Variants in PHTF1 observed in about 807,000 individuals in gnomAD.
PHTF1 encodes the protein putative homeodomain transcription factor 1.
PHTF1 carries 88 observed loss-of-function variants against 102.4 expected under a neutral mutation model. That is an observed-to-expected ratio of 0.86 (90% CI 0.72 to 1.03). The LOEUF is 1.03. PHTF1 is among the 50% of genes least tolerant of loss of function. The probability of loss-of-function intolerance (pLI) is 0.00; values close to 1 mark genes in which losing one functional copy is unlikely to be tolerated. For missense variants in PHTF1, 814 were observed against 909.5 expected (o/e 0.89, Z 1.35); for synonymous variants, 289 against 305.2 (o/e 0.95, Z 0.55).
chr1:113,706,702 C>G lies in PHTF1; in HGVS notation c.1290G>C (p.Gln430His). The change falls in exon 12 of 19, where the codon CAG becomes CAC. Residue 430 changes from glutamine to histidine, a missense_variant. Coordinates refer to ENST00000369604, the MANE Select transcript of PHTF1 (RefSeq NM_001323043.2). ...VFQQNHLFWL[Q>H]NSSPSSDRVS... ...CTCGATCAGAGGAAGGACTTGAATT[C>G]TGAAGCCAGAATAAATGATTCTGAG... The G allele has an allele frequency of 6.2e-7, 1 of 1,607,038 alleles. No individual in the cohort carries two copies. Among genetic ancestry groups the G allele is most frequent in the Non-Finnish European group, 8.5e-7 (1 of 1,176,338 alleles).
intron 5 of PHTF1, among the ~76,000 whole-genome samples, chr1:113,737,294 G>GCA (rs1017087803): frequency 2.0e-5 from 3 of 152,050 alleles, no homozygotes; most frequent in African/African-American, 4.8e-5. Context: ...TGTGTGCAGC[G>GCA]CACACACACA....
At chr1:113,720,605 C>T (rs1249553802) in intron 7 of PHTF1, among the ~76,000 whole-genome samples, 1 of 152,188 alleles carries the variant, frequency 6.6e-6, no homozygotes, top group Non-Finnish European at 1.5e-5. Flanking sequence ...CGGGAGGGTA[C>T]AGCCTCCCTC....
intron 3 of PHTF1, among the ~76,000 whole-genome samples, chr1:113,741,862 T>A (rs766389093): frequency 2.0e-5 from 3 of 152,202 alleles, no homozygotes; most frequent in Non-Finnish European, 4.4e-5. Context: ...CCCATTTTTT[T>A]ATTTCCTAAA....
chr1:113,711,639 T>C, intron 10 of PHTF1, 107 bp downstream of exon 10: 2 of 765,694 alleles, frequency 2.6e-6, no homozygotes, highest in Non-Finnish European at 4.4e-6. Context: ...AGGGAAGGGC[T>C]GGCAAATATT....
At chr1:113,715,959 A>T (rs1353373593) in intron 7 of PHTF1, among the ~76,000 whole-genome samples, 1 of 152,028 alleles carries the variant, frequency 6.6e-6, no homozygotes, top group Non-Finnish European at 1.5e-5. Flanking sequence ...AACACACCTA[A>T]AAGATCTGGA....
At chr1:113,724,028 A>T (rs1401134414) in intron 7 of PHTF1, among the ~76,000 whole-genome samples, 1 of 152,242 alleles carries the variant, frequency 6.6e-6, no homozygotes, top group Non-Finnish European at 1.5e-5. Context: ...AGGTACTCAT[A>T]TCATTGATCA....
At chr1:113,701,939 A>C (rs1649501903) in intron 15 of PHTF1, among the ~76,000 whole-genome samples, 1 of 151,890 alleles carries the variant, frequency 6.6e-6, no homozygotes, top group Non-Finnish European at 1.5e-5. Context: ...GACTGGCACT[A>C]AAATAAATAC....
intron 5 of PHTF1, among the ~76,000 whole-genome samples, chr1:113,734,949 T>G (rs1655244394): frequency 6.6e-6 from 1 of 152,194 alleles, no homozygotes; most frequent in Non-Finnish European, 1.5e-5. Context: ...CCTCCAAAAC[T>G]GTCAAAAATA....
Position 113,710,285 on chromosome 1 carries a change from T to G in PHTF1, c.1238A>C (p.Lys413Thr). 5.0e-6 allele frequency: 8 copies of G among 1,613,780 alleles called. No homozygotes were observed. Among genetic ancestry groups the G allele is most frequent in the Non-Finnish European group, 6.8e-6 (8 of 1,179,962 alleles). ...AAAAACATCCTCTTTGGGGTCACGTTTGGTCCCTGAGTGAAGGGTATTCAC... is the reference window on the plus strand; with the variant it reads ...AAAAACATCCTCTTTGGGGTCACGTGTGGTCCCTGAGTGAAGGGTATTCAC... Reference protein sequence around the residue: ...AHVNTLHSGTKRDPKEDVFQQ... With the variant: ...AHVNTLHSGTTRDPKEDVFQQ... Residue 413 changes from lysine (K) to threonine (T), a missense_variant, in exon 11 of 19, where the codon AAA (lysine) becomes ACA (threonine). Transcript: ENST00000369604.
At chr1:113,747,866 C>T (rs1269755072) in intron 3 of PHTF1, among the ~76,000 whole-genome samples, 1 of 152,208 alleles carries the variant, frequency 6.6e-6, no homozygotes, top group Non-Finnish European at 1.5e-5. Flanking sequence ...TTTTTGTCTA[C>T]ATGATCCGTT....
chr1:113,746,990 C>A (rs553878010), intron 3 of PHTF1: 2 of 159,104 alleles, frequency 1.3e-5, no homozygotes, highest in South Asian at 4.1e-4. Context: ...TCTTATTTAG[C>A]CTTTCTATGC....
intron 5 of PHTF1, among the ~76,000 whole-genome samples, chr1:113,736,494 C>T (rs1273449649): frequency 6.6e-6 from 1 of 151,998 alleles, no homozygotes; most frequent in Non-Finnish European, 1.5e-5. Flanking sequence ...CCTGTAATCC[C>T]AGCACTTTGG....
chr1:113,699,385 C>A, intron 17 of PHTF1: 1 of 471,476 alleles, frequency 2.1e-6, no homozygotes. Flanking sequence ...TCAATGGTGA[C>A]AAATGCCTTG....
At chr1:113,750,527 C>T (rs2101689487) in intron 3 of PHTF1, among the ~76,000 whole-genome samples, 1 of 152,084 alleles carries the variant, frequency 6.6e-6, no homozygotes, top group Middle Eastern at 3.4e-3. Context: ...GAATGTTTTG[C>T]TCATCTTAGC....
chr1:113,726,463 G>A lies in PHTF1; in HGVS notation c.443C>T (p.Thr148Ile). 6 of 1,611,328 alleles carry A rather than the reference G, an allele frequency of 3.7e-6. No individual in the cohort carries two copies. Among genetic ancestry groups the A allele is most frequent in the Non-Finnish European group, 5.1e-6 (6 of 1,178,610 alleles). The change falls in exon 6 of 19, where the codon ACT becomes ATT. Residue 148 changes from threonine to isoleucine, a missense_variant. Physicochemically the swap from Thr to Ile is moderately conservative, Grantham distance 89 (BLOSUM62 -1). Transcript: ENST00000369604. ...GTTTCCTGATGGTCTTGTTATCTGA[G>A]TAGACACAATTTGACAGTGGACAGT... ...MGTVHCQIVS[T>I]QITRPSGNNG... is the part of the protein sequence containing the mutation.
At chr1:113,729,742 G>A (rs72691804) in intron 5 of PHTF1, among the ~76,000 whole-genome samples, 3,981 of 152,222 alleles carry the variant, frequency 0.026, 91 homozygotes, top group Admixed American at 0.09. Flanking sequence ...GACCAACTAC[G>A]TGATTAAAGG....
intron 3 of PHTF1, among the ~76,000 whole-genome samples, chr1:113,740,967 G>C (rs1022838152): frequency 1.3e-5 from 2 of 152,126 alleles, no homozygotes; most frequent in African/African-American, 4.8e-5. Flanking sequence ...GAACATGGAG[G>C]TTGCAGTGAG....
chr1:113,744,870 A>T (rs763332278), intron 3 of PHTF1, among the ~76,000 whole-genome samples: 17 of 152,058 alleles, frequency 1.1e-4, no homozygotes, highest in African/African-American at 1.9e-4. Flanking sequence ...AATTCCTTGA[A>T]TCAGGGAGGT....
intron 3 of PHTF1, among the ~76,000 whole-genome samples, 171 bp downstream of exon 3, chr1:113,757,528 G>C (rs968664997): frequency 1.3e-5 from 2 of 152,132 alleles, no homozygotes; most frequent in African/African-American, 4.8e-5. Flanking sequence ...CTGATAGTGA[G>C]GCCAAAAATC....
Sources: gnomAD v4.1 joint callset for allele counts (sites outside exome capture counted in the v4.1 genomes callset) on GRCh38, gnomAD v4.1.1 for gene constraint, MANE v1.5 for transcripts, NCBI Gene and HGNC (gene_info 2026-07-23, HGNC 2026-07-21) for gene names.